Variants in SDR16C5 observed in about 807,000 individuals in gnomAD.
The protein encoded by SDR16C5 is epidermal retinol dehydrogenase 2.
A neutral mutation model predicts 27.7 loss-of-function variants in SDR16C5; 20 were observed. The ratio of observed to expected loss-of-function variants is 0.72; its 90% CI spans 0.51 to 1.05. The LOEUF is 1.05. Among genes scored for constraint, SDR16C5 ranks in the 50% least tolerant of loss-of-function variants. The probability of loss-of-function intolerance (pLI) is 0.00; values close to 1 mark genes in which losing one functional copy is unlikely to be tolerated. For synonymous variants in SDR16C5, 139 were observed against 132.3 expected (o/e 1.05, Z -0.35); for missense variants, 374 against 366.3 (o/e 1.02, Z -0.17).
chr8:56,304,543 T>A (rs1814834818), intron 6 of SDR16C5, among the ~76,000 whole-genome samples: 2 of 140,456 alleles, frequency 1.4e-5, no homozygotes, highest in African/African-American at 2.9e-5. Flanking sequence ...TTTTTGCACT[T>A]TTTTTTTTTT....
In SDR16C5 at chr8:56,300,436, C is replaced by T. The variant is rs1268092177; in HGVS notation, c.*1044G>A. 6.6e-6 allele frequency: 1 copy of T among 152,218 alleles called. No homozygotes were observed. Among genetic ancestry groups the T allele is most frequent in the Non-Finnish European group, 1.5e-5 (1 of 68,046 alleles). The allele number at this position is 152,218 out of a possible 1,614,324, so 9.4% of individuals were successfully genotyped here. On this transcript the variant is annotated 3_prime_UTR_variant, in exon 7 of 7. Transcript: ENST00000303749. ...AAAGGCTGCTGTTTCTCTTGCAAGGCTGCCCCCACCAGCCTGAGAAGGAGT... is the reference window on the plus strand; with the variant it reads ...AAAGGCTGCTGTTTCTCTTGCAAGGTTGCCCCCACCAGCCTGAGAAGGAGT...
chr8:56,315,478 G>A (rs1438607458), intron 2 of SDR16C5, among the ~76,000 whole-genome samples: 1 of 152,096 alleles, frequency 6.6e-6, no homozygotes, highest in African/African-American at 2.4e-5. Context: ...GTGGTGGAGT[G>A]GACACAGCCT....
chr8:56,312,064 T>G, intron 3 of SDR16C5, 93 bp downstream of exon 3: 1 of 1,110,396 alleles, frequency 9.0e-7, no homozygotes, highest in Non-Finnish European at 1.3e-6. Flanking sequence ...TCTGCTTTAC[T>G]TAGAGGCTAA....
chr8:56,310,968 G>T (rs1815031242), intron 3 of SDR16C5, among the ~76,000 whole-genome samples: 1 of 152,138 alleles, frequency 6.6e-6, no homozygotes, highest in African/African-American at 2.4e-5. Flanking sequence ...ATTTTTGGTG[G>T]AAATAGGGGA....
chr8:56,302,798 T>C (rs997367761), intron 6 of SDR16C5, among the ~76,000 whole-genome samples: 2 of 150,592 alleles, frequency 1.3e-5, no homozygotes, highest in African/African-American at 4.9e-5. Flanking sequence ...CTGGGCAACA[T>C]AGCAAGACCC....
At chr8:56,303,472 C>A (rs1407547718) in intron 6 of SDR16C5, among the ~76,000 whole-genome samples, 1 of 152,052 alleles carries the variant, frequency 6.6e-6, no homozygotes, top group African/African-American at 2.4e-5. Context: ...TTTTCTGCCC[C>A]CTCACCCCAC....
At chr8:56,309,124 T>C (rs1284962415) in intron 3 of SDR16C5, 97 bp from the exon 4 acceptor site, 4 of 1,021,690 alleles carry the variant, frequency 3.9e-6, no homozygotes, top group African/African-American at 1.7e-5. Flanking sequence ...TCTTTTTTTT[T>C]CAGCCTGTAA....
At chr8:56,305,743 A>T (rs773999079) in intron 5 of SDR16C5, 21 bp from the exon 6 acceptor site, 2 of 1,566,062 alleles carry the variant, frequency 1.3e-6, no homozygotes, top group Admixed American at 4.4e-5. Context: ...AAATGACAAC[A>T]ATTAAAAAAA....
At chr8:56,307,672 G>A (rs140125087) in intron 4 of SDR16C5, among the ~76,000 whole-genome samples, 7 of 152,336 alleles carry the variant, frequency 4.6e-5, no homozygotes, top group East Asian at 3.9e-4. Flanking sequence ...GAAGGGGGAC[G>A]AGGAGTCCAG....
chr8:56,309,950 A>C (rs1338129549), intron 3 of SDR16C5, among the ~76,000 whole-genome samples: 1 of 151,848 alleles, frequency 6.6e-6, no homozygotes, highest in East Asian at 1.9e-4. Context: ...CAAAGAATGT[A>C]CATGAACTTG....
In SDR16C5 at chr8:56,316,095, G is replaced by C. The variant is rs745941546; in HGVS notation, c.253C>G (p.Arg85Gly). The change falls in exon 2 of 7, where the codon CGG becomes GGG. Residue 85 changes from arginine to glycine, a missense_variant. Physicochemically the swap from Arg to Gly is moderately radical, Grantham distance 125. Transcript: ENST00000303749. The part of the protein sequence containing the change: ...EGNEETCKMA[R>G]EAGATRVHAY... ...TGCACTCTTGTGGCTCCAGCTTCCC[G>C]AGCCATCTTACATGTTTCCTCATTC... The C allele has an allele frequency of 3.7e-6, 6 of 1,614,042 alleles. No homozygotes were observed. Among genetic ancestry groups the C allele is most frequent in the Non-Finnish European group, 5.1e-6 (6 of 1,179,996 alleles).
At chr8:56,310,184 A>G (rs1214657375) in intron 3 of SDR16C5, among the ~76,000 whole-genome samples, 101 of 9,538 alleles carry the variant, frequency 0.011, no homozygotes, top group African/African-American at 0.028. Context: ...GAGGAGGAGG[A>G]AGGAGGAGGA....
At position 56,301,572 on chromosome 8, in the gene SDR16C5, A is replaced by C. The variant is rs1814756045; in HGVS notation, c.838T>G (p.Phe280Val). The change falls in exon 7 of 7, where the codon TTT (phenylalanine) becomes GTT (valine). Residue 280 changes from phenylalanine to valine, a missense_variant and splice_region_variant. Physicochemically the swap from Phe to Val is conservative, Grantham distance 50 (BLOSUM62 -1). Transcript: ENST00000303749. ...AGCAGTCCTGTCTTGAGGGGCAAAA[A>C]GCTAAAGAGAACACAAGAATAAACT... ...LLYFMMFLKS[F>V]LPLKTGLLIA... 1 of 1,610,352 alleles carries C rather than the reference A, an allele frequency of 6.2e-7. No homozygotes were observed. The highest frequency in any genetic ancestry group is 8.5e-7 in the Non-Finnish European group (1 of 1,176,720).
intron 2 of SDR16C5, 70 bp downstream of exon 2, chr8:56,315,945 G>C: frequency 1.0e-6 from 1 of 1,000,624 alleles, no homozygotes; most frequent in Non-Finnish European, 1.5e-6. Context: ...AGGCTAATAG[G>C]CACTGAGAAA....
At position 56,300,100 on chromosome 8, in the gene SDR16C5, G is replaced by A. The variant is rs1814712779; in HGVS notation, c.*1380C>T. ...TGACAGTCTCGTTTAATGAAATAATGTTTGTCAAATACTTAATTTGCTGCC... is the reference window on the plus strand; with the variant it reads ...TGACAGTCTCGTTTAATGAAATAATATTTGTCAAATACTTAATTTGCTGCC... On this transcript the variant is annotated 3_prime_UTR_variant, in exon 7 of 7. Transcript: ENST00000303749. 6.6e-6 allele frequency: 1 copy of A among 151,852 alleles called. No homozygotes were observed. The highest frequency in any genetic ancestry group is 1.5e-5 in the Non-Finnish European group (1 of 67,972). The allele number at this position is 151,852 out of a possible 1,614,324, so 9.4% of individuals were successfully genotyped here.
chr8:56,311,137 C>A (rs1815034818), intron 3 of SDR16C5, among the ~76,000 whole-genome samples: 1 of 152,170 alleles, frequency 6.6e-6, no homozygotes, highest in Non-Finnish European at 1.5e-5. Flanking sequence ...GGGCTGGAAC[C>A]AAACAGGTCA....
At chr8:56,311,941 G>A (rs1815053557) in intron 3 of SDR16C5, among the ~76,000 whole-genome samples, 1 of 152,168 alleles carries the variant, frequency 6.6e-6, no homozygotes, top group Non-Finnish European at 1.5e-5. Context: ...AGGACCATGA[G>A]GACAGTTCTG....
intron 2 of SDR16C5, among the ~76,000 whole-genome samples, chr8:56,315,290 T>C (rs975519982): frequency 6.6e-6 from 1 of 151,908 alleles, no homozygotes; most frequent in African/African-American, 2.4e-5. Context: ...CACGTGCCTC[T>C]ATGATGGTAA....
At chr8:56,319,053 T>C (rs1815265189) in intron 1 of SDR16C5, among the ~76,000 whole-genome samples, 1 of 151,480 alleles carries the variant, frequency 6.6e-6, no homozygotes, top group Non-Finnish European at 1.5e-5. Context: ...ATTAAACCAG[T>C]TTATATAGGT....
Sources: gnomAD v4.1 joint callset for allele counts (sites outside exome capture counted in the v4.1 genomes callset) on GRCh38, gnomAD v4.1.1 for gene constraint, MANE v1.5 for transcripts, NCBI Gene and HGNC (gene_info 2026-07-23, HGNC 2026-07-21) for gene names.